The following UBR1 variants were observed in gnomAD, a reference collection of about 807,000 sequenced individuals.
The protein encoded by UBR1 is E3 ubiquitin-protein ligase UBR1.
UBR1 carries 102 observed loss-of-function variants against 242.1 expected under a neutral mutation model. The observed-to-expected ratio is 0.42, with a 90% CI of 0.36 to 0.50. The LOEUF is 0.50. UBR1 is among the 20% of genes least tolerant of loss of function. The pLI, the probability that UBR1 is intolerant of heterozygous loss-of-function variation, is 0.01. For synonymous variants in UBR1, 675 were observed against 684.8 expected (o/e 0.99, Z 0.22); for missense variants, 1,772 against 2,101.8 (o/e 0.84, Z 3.07).
intron 40 of UBR1, among the ~76,000 whole-genome samples, chr15:42,969,805 C>T (rs974892412): frequency 6.6e-5 from 10 of 152,134 alleles, no homozygotes; most frequent in African/African-American, 2.4e-4. Flanking sequence ...AGGACTTCTT[C>T]AAGGAGAACT....
chr15:42,993,584 T>C (rs974788085), intron 33 of UBR1, among the ~76,000 whole-genome samples: 5 of 152,028 alleles, frequency 3.3e-5, no homozygotes, highest in African/African-American at 4.8e-5. Flanking sequence ...GCCGGGCTGG[T>C]CTTGAACTCC....
At chr15:43,084,522 TCTCGG>T (rs1161144142) in intron 2 of UBR1, among the ~76,000 whole-genome samples, 1 of 152,224 alleles carries the variant, frequency 6.6e-6, no homozygotes, top group African/African-American at 2.4e-5. Flanking sequence ...AGTGGCACAA[TCTCGG>T]CTCACCACAA....
In UBR1 at chr15:43,059,712, C is replaced by G. The variant is rs374589988; in HGVS notation, c.975G>C (p.Met325Ile). 11 of 1,613,672 alleles carry G rather than the reference C, an allele frequency of 6.8e-6. No individual in the cohort carries two copies. In the African/African-American group the frequency reaches 1.5e-4, roughly 22 times the overall value. ...AGGAGGTATGCTTACTTGAATAGCT[C>G]ATAATTTTGTTCATCCAGGAACCAA... Reference protein sequence around the residue: ...LRLGSWMNKIMSYSSDFRQIF... With the variant: ...LRLGSWMNKIISYSSDFRQIF... Residue 325 changes from methionine to isoleucine, a missense_variant, in exon 8 of 47, where the codon ATG becomes ATC. Coordinates refer to ENST00000290650, the MANE Select transcript of UBR1 (RefSeq NM_174916.3).
chr15:43,092,000 T>A, intron 1 of UBR1: 1 of 452,490 alleles, frequency 2.2e-6, no homozygotes, highest in African/African-American at 2.0e-5. Flanking sequence ...GTGGGAGAAT[T>A]GCTTGAGTCA....
At chr15:43,059,604 A>C in intron 8 of UBR1, 98 bp downstream of exon 8, 1 of 1,066,414 alleles carries the variant, frequency 9.4e-7, no homozygotes, top group Non-Finnish European at 1.3e-6. Context: ...AAAAAAAAAA[A>C]GAAAAACTTT....
At chr15:43,014,536 C>T (rs1023255129) in intron 29 of UBR1, among the ~76,000 whole-genome samples, 1 of 152,026 alleles carries the variant, frequency 6.6e-6, no homozygotes, top group African/African-American at 2.4e-5. Context: ...GCCCCACCGC[C>T]CCGTCTGGGA....
At chr15:42,957,316 T>C (rs932904820) in intron 44 of UBR1, among the ~76,000 whole-genome samples, 1 of 152,160 alleles carries the variant, frequency 6.6e-6, no homozygotes, top group African/African-American at 2.4e-5. Context: ...ATATCCAGAA[T>C]AGGCAAATCC....
intron 15 of UBR1, among the ~76,000 whole-genome samples, chr15:43,041,805 G>C (rs2033422812): frequency 6.6e-6 from 1 of 152,170 alleles, no homozygotes; most frequent in African/African-American, 2.4e-5. Flanking sequence ...TTAATATCTA[G>C]AATTATATAA....
rs1013974264 is a variant in UBR1 at position 43,006,887 on chromosome 15, T to G, written c.3415+192A>C. 5.3e-5 allele frequency among the ~76,000 whole-genome samples: 8 copies of G among 152,336 alleles called. No individual in the cohort carries two copies. The East Asian group carries it at 1.5e-3, about 29-fold the overall frequency. On this transcript the variant is annotated intron_variant, in intron 30 of 46. Coordinates refer to ENST00000290650, the MANE Select transcript of UBR1 (RefSeq NM_174916.3). ...AAAAAAAGTCTAGGAATTGAAGACATTTTGAGAACTGTTGGAGAAAAATTG... is the reference window on the plus strand; with the variant it reads ...AAAAAAAGTCTAGGAATTGAAGACAGTTTGAGAACTGTTGGAGAAAAATTG...
At chr15:42,989,214 C>G (rs1278614869) in intron 34 of UBR1, among the ~76,000 whole-genome samples, 1 of 152,236 alleles carries the variant, frequency 6.6e-6, no homozygotes, top group Non-Finnish European at 1.5e-5. Flanking sequence ...CATAACTTCA[C>G]TTCCTGTAAA....
chr15:43,094,660 T>C (rs1356290526), intron 1 of UBR1, among the ~76,000 whole-genome samples: 3 of 152,172 alleles, frequency 2.0e-5, no homozygotes, highest in African/African-American at 7.2e-5. Flanking sequence ...GTAAGAGACC[T>C]AGTCCTATAC....
chr15:42,994,984 A>G (rs1048949007), intron 33 of UBR1, among the ~76,000 whole-genome samples: 1 of 152,196 alleles, frequency 6.6e-6, no homozygotes, highest in East Asian at 1.9e-4. Context: ...CTCTATTTCA[A>G]TAGTTTTTCC....
At chr15:43,018,089 G>A (rs916023645) in intron 27 of UBR1, among the ~76,000 whole-genome samples, 1 of 149,568 alleles carries the variant, frequency 6.7e-6, no homozygotes, top group Non-Finnish European at 1.5e-5. Flanking sequence ...TGCAAGCTAC[G>A]CCTCTTGGGT....
chr15:43,046,026 T>C (rs1204489587), intron 14 of UBR1, among the ~76,000 whole-genome samples: 1 of 152,214 alleles, frequency 6.6e-6, no homozygotes, highest in Non-Finnish European at 1.5e-5. Context: ...TTTTTCTAAA[T>C]GCAGTTCTTG....
At chr15:42,964,712 G>A (rs576977526) in intron 41 of UBR1, among the ~76,000 whole-genome samples, 2 of 152,236 alleles carry the variant, frequency 1.3e-5, no homozygotes, top group Admixed American at 1.3e-4. Context: ...TTAGGCTTCA[G>A]CCATACTCAT....
At chr15:42,965,578 C>G (rs1003131715) in intron 41 of UBR1, among the ~76,000 whole-genome samples, 2 of 152,018 alleles carry the variant, frequency 1.3e-5, no homozygotes, top group Admixed American at 6.6e-5. Flanking sequence ...ATTCTCCCAC[C>G]TCAGCCTCCT....
At position 43,067,793 on chromosome 15, in the gene UBR1, G is replaced by A. The variant is rs2033772229; in HGVS notation, c.798+105C>T. 4 of 1,344,910 alleles carry A rather than the reference G, an allele frequency of 3.0e-6. No homozygotes were observed. The South Asian group carries it at 3.7e-5, about 12-fold the overall frequency. The allele number at this position is 1,344,910 out of a possible 1,614,324, so 83.3% of individuals were successfully genotyped here. ...ACCTAGGATGTAAGGAATAAATGGA[G>A]AGGATGGTCAGACCTAGCACAATAC... On this transcript the variant is annotated intron_variant, in intron 6 of 46. Coordinates refer to ENST00000290650, the MANE Select transcript of UBR1 (RefSeq NM_174916.3).
intron 37 of UBR1, 122 bp downstream of exon 37, chr15:42,983,775 T>C (rs756983524): frequency 8.9e-5 from 43 of 485,810 alleles, no homozygotes; most frequent in Non-Finnish European, 1.2e-4. Context: ...AAAATTTCAT[T>C]AGTGAGTGCT....
chr15:43,095,860 C>A (rs1371073261), intron 1 of UBR1, among the ~76,000 whole-genome samples: 2 of 152,226 alleles, frequency 1.3e-5, no homozygotes, highest in Non-Finnish European at 2.9e-5. Flanking sequence ...AAGATACAGG[C>A]ACACCTCAGA....
Sources: gnomAD v4.1 joint callset for allele counts (sites outside exome capture counted in the v4.1 genomes callset) on GRCh38, gnomAD v4.1.1 for gene constraint, MANE v1.5 for transcripts, NCBI Gene and HGNC (gene_info 2026-07-23, HGNC 2026-07-21) for gene names.